SPPL2A: variants seen among roughly 807,000 people sequenced by gnomAD.
SPPL2A encodes the protein signal peptide peptidase-like 2A.
In SPPL2A, 51 loss-of-function variants were observed where a neutral mutation model predicts 63.8. The observed-to-expected ratio is 0.80, with a 90% CI of 0.64 to 1.01. SPPL2A has a LOEUF of 1.01. SPPL2A is among the 50% of genes least tolerant of loss of function. SPPL2A has a pLI of 0.00. For missense variants in SPPL2A, 553 were observed against 622.7 expected, an observed-to-expected ratio of 0.89 and a Z score of 1.19; for synonymous variants, 188 against 205.8, an observed-to-expected ratio of 0.91 and a Z score of 0.74.
chr15:50,716,026 A>G (rs2062596469), intron 14 of SPPL2A, among the ~76,000 whole-genome samples: 1 of 152,148 alleles, frequency 6.6e-6, no homozygotes, highest in Admixed American at 6.6e-5. Context: ...AAGAAAGAGA[A>G]CTATTTATAG....
chr15:50,722,522 T>C (rs1047602912), intron 12 of SPPL2A, among the ~76,000 whole-genome samples: 2 of 152,156 alleles, frequency 1.3e-5, no homozygotes, highest in Admixed American at 1.3e-4. Context: ...AGTGGCGCGA[T>C]CTCGGTTCAC....
At chr15:50,737,552 A>C (rs938764666) in intron 6 of SPPL2A, among the ~76,000 whole-genome samples, 23 of 152,216 alleles carry the variant, frequency 1.5e-4, no homozygotes, top group African/African-American at 2.9e-4. Flanking sequence ...TCCCAGGCTT[A>C]AGCGACTCTC....
intron 1 of SPPL2A, among the ~76,000 whole-genome samples, chr15:50,758,887 T>C (rs1398455481): frequency 8.1e-5 from 5 of 61,888 alleles, no homozygotes; most frequent in African/African-American, 2.5e-4. Context: ...ATAATAAGCA[T>C]ATCTATCTAT....
At chr15:50,742,244 T>C (rs2062827121) in intron 5 of SPPL2A, among the ~76,000 whole-genome samples, 1 of 152,054 alleles carries the variant, frequency 6.6e-6, no homozygotes, top group Non-Finnish European at 1.5e-5. Flanking sequence ...ACCACATCTC[T>C]ATTAATAATA....
At chr15:50,713,355 C>T (rs1289314294) in intron 14 of SPPL2A, among the ~76,000 whole-genome samples, 2 of 151,358 alleles carry the variant, frequency 1.3e-5, no homozygotes, top group Admixed American at 6.6e-5. Flanking sequence ...AGCTCCGCCT[C>T]CCAGGTTCAA....
At chr15:50,730,867 T>A in intron 10 of SPPL2A, 98 bp downstream of exon 10, 2 of 619,818 alleles carry the variant, frequency 3.2e-6, no homozygotes, top group South Asian at 3.5e-5. Flanking sequence ...TAGAATTCAC[T>A]CAGTGGTAAA....
intron 14 of SPPL2A, among the ~76,000 whole-genome samples, chr15:50,708,797 G>T (rs1468675768): frequency 6.6e-6 from 1 of 152,038 alleles, no homozygotes; most frequent in Non-Finnish European, 1.5e-5. Flanking sequence ...ACTTTGGGAG[G>T]CCGAAGTGGG....
rs1469428199 is a variant in SPPL2A at position 50,752,730 on chromosome 15, AC to A, written c.67-2985del. The stretch of plus-strand genomic sequence containing the variant: ...AAGACTCCATCTGAAAAAAAAAAAA[AC>A]AACCCAAAAAAACAAAAAACAAGTC... On this transcript the variant is annotated intron_variant, in intron 1 of 14. Coordinates refer to ENST00000261854, the MANE Select transcript of SPPL2A (RefSeq NM_032802.4). Among the ~76,000 whole-genome samples, 731 of 151,690 alleles carry A rather than the reference AC, an allele frequency of 4.8e-3. 5 individuals carry two copies. Among genetic ancestry groups the A allele is most frequent in the African/African-American group, 0.017 (700 of 41,374 alleles).
rs1762105124 is a variant in SPPL2A, at chr15:50,703,100, G to C, written c.*4700C>G. 1 of 151,124 alleles carries C rather than the reference G, an allele frequency of 6.6e-6. No homozygotes were observed. Among genetic ancestry groups the C allele is most frequent in the African/African-American group, 2.4e-5 (1 of 41,138 alleles). 9.4% of individuals were successfully genotyped at this position (151,124 alleles called of 1,614,324 possible). A position where few individuals can be genotyped will look rare whatever the true frequency, so the allele number is the denominator to read the frequency against. On this transcript the variant is annotated 3_prime_UTR_variant, in exon 15 of 15. Coordinates refer to ENST00000261854, the MANE Select transcript of SPPL2A (RefSeq NM_032802.4). ...GATGGCATCTTGCTATGTCACCTAG[G>C]CTGGAGTGCAGTCACTATTCACAGA...
intron 3 of SPPL2A, 40 bp downstream of exon 3, chr15:50,748,648 C>CAAAATAAGAT: frequency 7.3e-7 from 1 of 1,376,040 alleles, no homozygotes; most frequent in Non-Finnish European, 9.8e-7. Flanking sequence ...AATTTCACAT[C>CAAAATAAGAT]ATGAACTCAA....
intron 5 of SPPL2A, among the ~76,000 whole-genome samples, chr15:50,741,836 C>T (rs10400817): frequency 0.25 from 37,904 of 151,692 alleles, 5,693 homozygotes; most frequent in East Asian, 0.55. Context: ...CATGGTGGCA[C>T]GTGCCTGTAA....
rs1257073862 is a variant in SPPL2A, at chr15:50,705,375, G to A, written c.*2425C>T. On this transcript the variant is annotated 3_prime_UTR_variant, in exon 15 of 15. Transcript: ENST00000261854. Reference sequence around the variant, plus strand: ...AAAAAGAAATTAATTATCTCATTTCGATGTAGTAAAAAAAAAATTTTCTTT... The same window carrying A: ...AAAAAGAAATTAATTATCTCATTTCAATGTAGTAAAAAAAAAATTTTCTTT... The A allele has an allele frequency of 1.3e-5, 2 of 151,100 alleles. No homozygotes were observed. Among genetic ancestry groups the A allele is most frequent in the African/African-American group, 2.4e-5 (1 of 41,144 alleles). The allele number at this position is 151,100 out of a possible 1,614,324, so 9.4% of individuals were successfully genotyped here. A position where few individuals can be genotyped will look rare whatever the true frequency, so the allele number is the denominator to read the frequency against.
intron 11 of SPPL2A, chr15:50,726,028 G>C: frequency 8.1e-7 from 1 of 1,236,220 alleles, no homozygotes. Context: ...GTCTCAGAGG[G>C]TATGATTTAA....
At chr15:50,714,879 G>T (rs2062589534) in intron 14 of SPPL2A, among the ~76,000 whole-genome samples, 1 of 152,048 alleles carries the variant, frequency 6.6e-6, no homozygotes, top group Non-Finnish European at 1.5e-5. Context: ...GGAGGTGGAG[G>T]TTGCAGTAAG....
At chr15:50,748,585 T>C in intron 3 of SPPL2A, 103 bp downstream of exon 3, 1 of 745,312 alleles carries the variant, frequency 1.3e-6, no homozygotes, top group Non-Finnish European at 2.2e-6. Context: ...CATCAGATCA[T>C]TCAAAACTCA....
chr15:50,763,873 G>A (rs1334178028), intron 1 of SPPL2A, among the ~76,000 whole-genome samples: 2 of 152,130 alleles, frequency 1.3e-5, no homozygotes, highest in Non-Finnish European at 2.9e-5. Flanking sequence ...ACTCCAGCCT[G>A]GGCGACAGAG....
At chr15:50,716,267 T>C (rs1475762455) in intron 14 of SPPL2A, among the ~76,000 whole-genome samples, 1 of 152,204 alleles carries the variant, frequency 6.6e-6, no homozygotes, top group Non-Finnish European at 1.5e-5. Context: ...CAATCTCAGC[T>C]CACTACAACC....
intron 6 of SPPL2A, among the ~76,000 whole-genome samples, 178 bp downstream of exon 6, chr15:50,739,502 A>G (rs111844275): frequency 2.2e-4 from 33 of 152,092 alleles, no homozygotes; most frequent in African/African-American, 7.7e-4. Flanking sequence ...TAATCTGAAT[A>G]TTTTTATCTC....
At chr15:50,709,573 C>G (rs908273071) in intron 14 of SPPL2A, among the ~76,000 whole-genome samples, 1 of 151,958 alleles carries the variant, frequency 6.6e-6, no homozygotes, top group South Asian at 2.1e-4. Context: ...AGGTGGATCA[C>G]GAGGTCAGGA....
Sources: gnomAD v4.1 joint callset for allele counts (sites outside exome capture counted in the v4.1 genomes callset) on GRCh38, gnomAD v4.1.1 for gene constraint, MANE v1.5 for transcripts, NCBI Gene and HGNC (gene_info 2026-07-23, HGNC 2026-07-21) for gene names.